The following TNNI3K variants were observed in gnomAD, a reference collection of about 807,000 sequenced individuals.
TNNI3K encodes the protein TNNI3 interacting kinase.
Under a neutral mutation model 114.5 loss-of-function variants are expected in TNNI3K, and 140 were observed. The observed-to-expected ratio is 1.22, with a 90% CI of 1.07 to 1.41. The LOEUF (loss-of-function observed/expected upper bound fraction) is 1.41, where lower values mean the gene tolerates loss of function less well. Among genes scored for constraint, TNNI3K ranks in the 40% most tolerant of loss-of-function variants. TNNI3K has a pLI of 0.00. For synonymous variants in TNNI3K, 347 were observed against 347.5 expected (o/e 1.00, Z 0.02); for missense variants, 1,125 against 1,007.6 (o/e 1.12, Z -1.58).
At position 74,454,257 on chromosome 1, in the gene TNNI3K, A is replaced by G. The variant is rs572389830; in HGVS notation, c.2012-9184A>G. 2.6e-5 allele frequency among the ~76,000 whole-genome samples: 4 copies of G among 152,302 alleles called. No homozygotes were observed. In the South Asian group the frequency reaches 8.3e-4, roughly 32 times the overall value. On this transcript the variant is annotated intron_variant, in intron 20 of 24. Transcript: ENST00000326637. ...GTTCTTTAGTTGTTTTAAAACATAC[A>G]ATAAATTATTGTTAACTATAGTCAC...
intron 17 of TNNI3K, among the ~76,000 whole-genome samples, chr1:74,397,084 T>TGATGAAAAGCTGAC (rs1664121958): frequency 1.3e-5 from 2 of 152,018 alleles, no homozygotes; most frequent in African/African-American, 4.8e-5. Flanking sequence ...CTGAAAGTTG[T>TGATGAAAAGCTGAC]TGATGAAAGC....
chr1:74,280,643 C>T (rs1656957717), intron 5 of TNNI3K, among the ~76,000 whole-genome samples: 1 of 152,230 alleles, frequency 6.6e-6, no homozygotes, highest in South Asian at 2.1e-4. Flanking sequence ...AGACCAGCCT[C>T]AGCCAGAAGG....
At chr1:74,539,454 G>A (rs1005115274) in intron 23 of TNNI3K, among the ~76,000 whole-genome samples, 1 of 152,144 alleles carries the variant, frequency 6.6e-6, no homozygotes, top group African/African-American at 2.4e-5. Flanking sequence ...GTAGTTAGAT[G>A]CTAGGATGAA....
intron 5 of TNNI3K, among the ~76,000 whole-genome samples, chr1:74,283,278 C>T (rs570273): frequency 0.99 from 150,814 of 152,286 alleles, 74,701 homozygotes; most frequent in Middle Eastern, 1. Flanking sequence ...CAGAATACTC[C>T]TTATTAAAGG....
intron 5 of TNNI3K, among the ~76,000 whole-genome samples, chr1:74,301,142 G>A (rs1451960959): frequency 2.0e-5 from 3 of 152,216 alleles, no homozygotes; most frequent in South Asian, 2.1e-4. Context: ...GTTCATGCCT[G>A]TAATCCCAGC....
intron 17 of TNNI3K, among the ~76,000 whole-genome samples, chr1:74,430,575 A>G (rs1452608722): frequency 6.6e-6 from 1 of 152,164 alleles, no homozygotes; most frequent in Non-Finnish European, 1.5e-5. Context: ...GCTTATTCAG[A>G]TGAAGTAAAT....
intron 11 of TNNI3K, among the ~76,000 whole-genome samples, chr1:74,355,097 G>T (rs1661580615): frequency 6.6e-6 from 1 of 152,020 alleles, no homozygotes; most frequent in Non-Finnish European, 1.5e-5. Flanking sequence ...GGTTATAATT[G>T]AATACTATAA....
intron 17 of TNNI3K, among the ~76,000 whole-genome samples, chr1:74,387,252 T>G (rs1276481669): frequency 6.6e-6 from 1 of 152,170 alleles, no homozygotes; most frequent in Non-Finnish European, 1.5e-5. Context: ...ATGTAAAACC[T>G]ACCATGGTGA....
Position 74,460,885 on chromosome 1 carries a change from C to T in TNNI3K, c.2012-2556C>T, listed in dbSNP as rs531812189. On this transcript the variant is annotated intron_variant, in intron 20 of 24. Coordinates refer to ENST00000326637, the MANE Select transcript of TNNI3K (RefSeq NM_015978.3). Reference sequence around the variant, plus strand: ...ATCTTAAACTGATTTTCCAGACACACTGCCAAGAAGCAAACAAGTAACTCT... The same window carrying T: ...ATCTTAAACTGATTTTCCAGACACATTGCCAAGAAGCAAACAAGTAACTCT... Among the ~76,000 whole-genome samples, 7 of 152,322 alleles carry T rather than the reference C, an allele frequency of 4.6e-5. No individual in the cohort carries two copies. The South Asian group carries it at 1.4e-3, about 32-fold the overall frequency.
intron 17 of TNNI3K, chr1:74,402,058 T>A (rs1218459977): frequency 5.0e-6 from 1 of 199,658 alleles, no homozygotes; most frequent in Non-Finnish European, 1.0e-5. Context: ...TCCTTTAGAG[T>A]TTTTTAGTTT....
chr1:74,465,809 G>C (rs966792773), intron 21 of TNNI3K, among the ~76,000 whole-genome samples: 1 of 152,140 alleles, frequency 6.6e-6, no homozygotes, highest in Non-Finnish European at 1.5e-5. Context: ...CTCAGGGACC[G>C]TAAACACACC....
At chr1:74,353,446 G>T in intron 10 of TNNI3K, 86 bp downstream of exon 10, 1 of 1,447,528 alleles carries the variant, frequency 6.9e-7, no homozygotes, top group South Asian at 1.3e-5. Flanking sequence ...GGGGGCATTG[G>T]GAGTGCTCAA....
At chr1:74,466,771 G>C (rs1304473957) in intron 21 of TNNI3K, among the ~76,000 whole-genome samples, 1 of 152,070 alleles carries the variant, frequency 6.6e-6, no homozygotes, top group Non-Finnish European at 1.5e-5. Flanking sequence ...AAGCTGAGTG[G>C]CAAAGAAAAG....
chr1:74,422,920 T>C (rs1557556803), intron 17 of TNNI3K, among the ~76,000 whole-genome samples: 1 of 152,152 alleles, frequency 6.6e-6, no homozygotes, highest in Non-Finnish European at 1.5e-5. Context: ...CAGCAGCTAT[T>C]GGTAAACTTG....
intron 17 of TNNI3K, among the ~76,000 whole-genome samples, chr1:74,380,087 G>T (rs1296986212): frequency 6.6e-6 from 1 of 151,960 alleles, no homozygotes; most frequent in Non-Finnish European, 1.5e-5. Flanking sequence ...GCATAAACCT[G>T]GACAAATTTA....
At chr1:74,458,066 T>C (rs1667300144) in intron 20 of TNNI3K, among the ~76,000 whole-genome samples, 1 of 152,184 alleles carries the variant, frequency 6.6e-6, no homozygotes, top group South Asian at 2.1e-4. Context: ...GACTTTTAGA[T>C]GTGCAGATGA....
chr1:74,499,157 AG>A, intron 23 of TNNI3K, among the ~76,000 whole-genome samples: 1 of 152,282 alleles, frequency 6.6e-6, no homozygotes. Context: ...CCTTGAACTC[AG>A]GGTCTTTACT....
chr1:74,351,165 G>T (rs1040834909), intron 9 of TNNI3K, among the ~76,000 whole-genome samples: 4 of 152,020 alleles, frequency 2.6e-5, no homozygotes, highest in African/African-American at 9.7e-5. Context: ...AGGCCTGGTG[G>T]TGACAAAATC....
chr1:74,333,083 A>G (rs899932511), intron 6 of TNNI3K, among the ~76,000 whole-genome samples: 8 of 151,962 alleles, frequency 5.3e-5, no homozygotes, highest in East Asian at 3.9e-4. Flanking sequence ...GACTCATTCA[A>G]TTGTAGGTTA....
Sources: allele counts gnomAD v4.1 joint callset (sites outside exome capture counted in the v4.1 genomes callset), GRCh38; gene constraint gnomAD v4.1.1; transcripts MANE v1.5; gene names NCBI Gene and HGNC (gene_info 2026-07-23, HGNC 2026-07-21).